ITFG1: variants seen among roughly 807,000 people sequenced by gnomAD.
ITFG1 encodes the protein T-cell immunomodulatory protein.
Under a neutral mutation model 81.8 loss-of-function variants are expected in ITFG1, and 34 were observed. The observed-to-expected ratio is 0.42, with a 90% CI of 0.32 to 0.55. The LOEUF (loss-of-function observed/expected upper bound fraction) is 0.55, where lower values mean the gene tolerates loss of function less well. Among genes scored for constraint, ITFG1 ranks in the 20% least tolerant of loss-of-function variants. The pLI is 0.17. For missense variants in ITFG1, 672 were observed against 755.4 expected, an observed-to-expected ratio of 0.89 and a Z score of 1.29; for synonymous variants, 285 against 270.6, an observed-to-expected ratio of 1.05 and a Z score of -0.52.
At chr16:47,413,621 A>T (rs756276436) in intron 6 of ITFG1, among the ~76,000 whole-genome samples, 1 of 152,114 alleles carries the variant, frequency 6.6e-6, no homozygotes, top group Non-Finnish European at 1.5e-5. Context: ...ACTTGAACCC[A>T]GAAAGTTGAA....
intron 8 of ITFG1, among the ~76,000 whole-genome samples, chr16:47,338,197 G>A (rs540307670): frequency 1.3e-4 from 20 of 152,286 alleles, no homozygotes; most frequent in Admixed American, 3.9e-4. Flanking sequence ...ATCACCTGAG[G>A]TCAGGAGTTC....
intron 5 of ITFG1, among the ~76,000 whole-genome samples, chr16:47,445,941 G>A (rs745700657): frequency 2.0e-5 from 3 of 152,104 alleles, no homozygotes; most frequent in African/African-American, 2.4e-5. Context: ...GGAAGATCCA[G>A]ATTCAATTCC....
intron 6 of ITFG1, among the ~76,000 whole-genome samples, chr16:47,381,828 T>C (rs1350697199): frequency 2.6e-5 from 4 of 152,236 alleles, no homozygotes; most frequent in Non-Finnish European, 4.4e-5. Context: ...AGCAGTTTAA[T>C]TGCATTCTGT....
intron 10 of ITFG1, among the ~76,000 whole-genome samples, chr16:47,292,778 C>T (rs1966924553): frequency 6.6e-6 from 1 of 151,840 alleles, no homozygotes; most frequent in Non-Finnish European, 1.5e-5. Context: ...GCCTCCAATT[C>T]CATCCTTGCT....
At chr16:47,370,544 C>T (rs974261942) in intron 7 of ITFG1, among the ~76,000 whole-genome samples, 2 of 152,258 alleles carry the variant, frequency 1.3e-5, no homozygotes, top group African/African-American at 4.8e-5. Flanking sequence ...TAGGGCCCTG[C>T]AGTTGCTGGT....
intron 10 of ITFG1, among the ~76,000 whole-genome samples, chr16:47,265,470 G>A (rs1966265895): frequency 6.6e-6 from 1 of 152,002 alleles, no homozygotes. Context: ...GTGTTAATAA[G>A]GTAGTAGATG....
chr16:47,279,006 T>C (rs751755316), intron 10 of ITFG1, among the ~76,000 whole-genome samples: 3 of 152,186 alleles, frequency 2.0e-5, no homozygotes, highest in African/African-American at 7.2e-5. Flanking sequence ...ATTTTTGAGT[T>C]TAGAGTTTTT....
At chr16:47,184,780 AT>A (rs1218739353) in intron 14 of ITFG1, among the ~76,000 whole-genome samples, 2 of 152,142 alleles carry the variant, frequency 1.3e-5, no homozygotes, top group Non-Finnish European at 2.9e-5. Flanking sequence ...ACATAACAAT[AT>A]TAACTTTAAA....
Position 47,285,490 on chromosome 16 carries a change from A to G in ITFG1, c.1071-24795T>C, listed in dbSNP as rs151082433. Among the ~76,000 whole-genome samples the G allele has an allele frequency of 7.5e-3, 1,148 of 152,310 alleles. 25 individuals are homozygous for G. The highest frequency in any genetic ancestry group is 0.056 in the South Asian group (270 of 4,832). On this transcript the variant is annotated intron_variant, in intron 10 of 17. Coordinates refer to ENST00000320640, the MANE Select transcript of ITFG1 (RefSeq NM_030790.5). ...AAAGGAGGGGGTCATGGGAACCCCA[A>G]CCTGACGCTGGTTGGACAGAAATTT...
intron 14 of ITFG1, among the ~76,000 whole-genome samples, chr16:47,186,881 T>G (rs1364590771): frequency 1.3e-5 from 2 of 152,094 alleles, no homozygotes; most frequent in Admixed American, 1.3e-4. Context: ...CAGCCCAAAA[T>G]CTCCTTAAGC....
intron 14 of ITFG1, among the ~76,000 whole-genome samples, chr16:47,169,989 TTGAC>T (rs1346368057): frequency 6.6e-6 from 1 of 152,222 alleles, no homozygotes; most frequent in Non-Finnish European, 1.5e-5. Context: ...ATTACATTGA[TTGAC>T]TGTCTTAAGT....
At chr16:47,249,025 G>A (rs1427406902) in intron 12 of ITFG1, among the ~76,000 whole-genome samples, 3 of 152,170 alleles carry the variant, frequency 2.0e-5, no homozygotes, top group African/African-American at 7.2e-5. Flanking sequence ...CTTAGTTCAA[G>A]TGTAACTGAA....
intron 14 of ITFG1, among the ~76,000 whole-genome samples, chr16:47,179,692 T>G (rs1427902427): frequency 2.0e-5 from 3 of 152,108 alleles, no homozygotes; most frequent in Non-Finnish European, 4.4e-5. Context: ...ATGAGAGAAG[T>G]GGTTAATACC....
chr16:47,440,098 C>T (rs1346428312), intron 5 of ITFG1, among the ~76,000 whole-genome samples: 3 of 152,090 alleles, frequency 2.0e-5, no homozygotes, highest in African/African-American at 7.2e-5. Context: ...AAGGCCATTA[C>T]ATAATGGTAA....
intron 14 of ITFG1, 73 bp from the exon 15 acceptor site, chr16:47,162,737 A>G: frequency 2.2e-6 from 3 of 1,355,712 alleles, no homozygotes; most frequent in Non-Finnish European, 3.0e-6. Context: ...TTAAAATGAT[A>G]AAATGTTAAA....
chr16:47,430,886 G>A (rs1969087123), intron 5 of ITFG1, among the ~76,000 whole-genome samples: 1 of 152,178 alleles, frequency 6.6e-6, no homozygotes, highest in South Asian at 2.1e-4. Context: ...GCTCCTAGTA[G>A]TGCTATTCAC....
chr16:47,218,802 GT>G, intron 14 of ITFG1, 65 bp downstream of exon 14: 1 of 939,822 alleles, frequency 1.1e-6, no homozygotes, highest in South Asian at 1.8e-5. Flanking sequence ...TTTTCCACCA[GT>G]TTACCTTGCT....
chr16:47,179,680 C>T (rs1341660710), intron 14 of ITFG1, among the ~76,000 whole-genome samples: 10 of 152,000 alleles, frequency 6.6e-5, no homozygotes, highest in Admixed American at 5.9e-4. Context: ...AAGCCATAAT[C>T]CATGAGAGAA....
intron 8 of ITFG1, among the ~76,000 whole-genome samples, chr16:47,347,142 G>A (rs1466086310): frequency 6.6e-6 from 1 of 152,232 alleles, no homozygotes; most frequent in Non-Finnish European, 1.5e-5. Context: ...GGTGATTTCT[G>A]CATTTCCAAC....
Sources: allele counts gnomAD v4.1 joint callset (sites outside exome capture counted in the v4.1 genomes callset), GRCh38; gene constraint gnomAD v4.1.1; transcripts MANE v1.5; gene names NCBI Gene and HGNC (gene_info 2026-07-23, HGNC 2026-07-21).